SNRPA1: variants seen among roughly 807,000 people sequenced by gnomAD.
SNRPA1 encodes the protein small nuclear ribonucleoprotein polypeptide A'.
In SNRPA1, 5 loss-of-function variants were observed where a neutral mutation model predicts 32.3. That is an observed-to-expected ratio of 0.15 (90% CI 0.08 to 0.33). SNRPA1 has a LOEUF of 0.33. Ranked by LOEUF, SNRPA1 falls within the 10% of genes least tolerant of loss-of-function variation. SNRPA1 has a pLI of 1.00. For synonymous variants in SNRPA1, 111 were observed against 120.1 expected, an observed-to-expected ratio of 0.92 and a Z score of 0.50; for missense variants, 198 against 311.1, an observed-to-expected ratio of 0.64 and a Z score of 2.74.
At position 101,281,569 on chromosome 15, in the gene SNRPA1, T is replaced by C; in HGVS notation, c.*155A>G. The C allele has an allele frequency of 1.7e-6, 1 of 601,604 alleles. No homozygotes were observed. Among genetic ancestry groups the C allele is most frequent in the Admixed American group, 3.1e-5 (1 of 31,796 alleles). 37.3% of individuals were successfully genotyped at this position (601,604 alleles called of 1,614,324 possible). A position where few individuals can be genotyped will look rare whatever the true frequency, so the allele number is the denominator to read the frequency against. The stretch of plus-strand genomic sequence containing the variant: ...TTTGTAGAAAATTGACATTTAGATT[T>C]CAAAACTTATATTACAAAATTATCA... On this transcript the variant is annotated 3_prime_UTR_variant, in exon 9 of 9. Transcript: ENST00000254193.
In SNRPA1 at chr15:101,287,717, C is replaced by G. The variant is rs773441192; in HGVS notation, c.310-15G>C. 41 of 1,612,890 alleles carry G rather than the reference C, an allele frequency of 2.5e-5. No homozygotes were observed. Among genetic ancestry groups the G allele is most frequent in the Middle Eastern group, 3.3e-4 (2 of 6,080 alleles). ...TCCAGATCACCCTGTCAAGCAATAG[C>G]CACAGGTAAGAACGCGAATACCACA... On this transcript the variant is annotated splice_polypyrimidine_tract_variant and intron_variant, in intron 3 of 8. Transcript: ENST00000254193.
intron 3 of SNRPA1, among the ~76,000 whole-genome samples, chr15:101,289,036 G>A (rs567525356): frequency 2.6e-5 from 4 of 152,138 alleles, no homozygotes; most frequent in African/African-American, 4.8e-5. Flanking sequence ...AAAACAGGGA[G>A]AGCAGAGCCA....
At chr15:101,289,538 A>T (rs1567125849) in intron 3 of SNRPA1, among the ~76,000 whole-genome samples, 1 of 152,230 alleles carries the variant, frequency 6.6e-6, no homozygotes, top group Non-Finnish European at 1.5e-5. Flanking sequence ...GCCCCAGAAC[A>T]GAGAGAAGAC....
chr15:101,287,351 C>A (rs1464448917), intron 4 of SNRPA1, among the ~76,000 whole-genome samples: 1 of 151,876 alleles, frequency 6.6e-6, no homozygotes, highest in Non-Finnish European at 1.5e-5. Flanking sequence ...CACCCCACAA[C>A]AGGCCCCGGT....
chr15:101,288,625 ATGGT>A (rs1366087449), intron 3 of SNRPA1, among the ~76,000 whole-genome samples: 1 of 152,206 alleles, frequency 6.6e-6, no homozygotes, highest in Non-Finnish European at 1.5e-5. Flanking sequence ...ACAAAAACCT[ATGGT>A]TACCAGCTAC....
Position 101,281,856 on chromosome 15 carries a change from C to A in SNRPA1, c.710-74G>T, listed in dbSNP as rs192104877. On this transcript the variant is annotated intron_variant, in intron 8 of 8. Transcript: ENST00000254193. ...TTCCCTTAGCATGCAAGTGTTTGTT[C>A]TGTGGCCACTGTTTGTTACACACTG... The A allele has an allele frequency of 5.1e-6, 7 of 1,385,618 alleles. No individual in the cohort carries two copies. The East Asian group carries it at 1.4e-4, about 27-fold the overall frequency. The allele number at this position is 1,385,618 out of a possible 1,614,324, so 85.8% of individuals were successfully genotyped here. A position where few individuals can be genotyped will look rare whatever the true frequency, so the allele number is the denominator to read the frequency against.
At chr15:101,289,498 G>C (rs867732780) in intron 3 of SNRPA1, among the ~76,000 whole-genome samples, 1 of 152,144 alleles carries the variant, frequency 6.6e-6, no homozygotes, top group Non-Finnish European at 1.5e-5. Context: ...GAGAGAAAAC[G>C]GATTGAAGAA....
At chr15:101,294,058 A>C (rs2141315982) in intron 1 of SNRPA1, among the ~76,000 whole-genome samples, 1 of 152,330 alleles carries the variant, frequency 6.6e-6, no homozygotes, top group South Asian at 2.1e-4. Context: ...ACATGGAGAA[A>C]CCATGTCTTT....
intron 3 of SNRPA1, among the ~76,000 whole-genome samples, chr15:101,291,404 T>C (rs1409898478): frequency 1.3e-5 from 2 of 152,216 alleles, no homozygotes; most frequent in Non-Finnish European, 2.9e-5. Flanking sequence ...AATCTAAAAT[T>C]TTCTAGTAGC....
At chr15:101,290,862 C>A (rs2039517585) in intron 3 of SNRPA1, among the ~76,000 whole-genome samples, 1 of 151,722 alleles carries the variant, frequency 6.6e-6, no homozygotes, top group African/African-American at 2.4e-5. Flanking sequence ...CTGTCTCAGC[C>A]TCCCAAGAAG....
intron 3 of SNRPA1, 73 bp downstream of exon 3, chr15:101,291,889 T>C: frequency 6.4e-6 from 6 of 936,902 alleles, no homozygotes; most frequent in Non-Finnish European, 1.0e-5. Context: ...CTAGATTTTG[T>C]AAATTTTCTG....
At chr15:101,293,342 G>C (rs74041974) in intron 1 of SNRPA1, 170 bp from the exon 2 acceptor site, 21,141 of 492,670 alleles carry the variant, frequency 0.043, 2,622 homozygotes, top group African/African-American at 0.31. Flanking sequence ...TAAGATACTA[G>C]AGAGAAAACG....
In SNRPA1 at chr15:101,287,704, T is replaced by C; in HGVS notation, c.310-2A>G. On this transcript the variant is annotated splice_acceptor_variant, in intron 3 of 8. Coordinates refer to ENST00000254193, the MANE Select transcript of SNRPA1 (RefSeq NM_003090.4). LOFTEE classifies it high-confidence loss of function. ...AGATGCCAGAGGGTCCAGATCACCC[T>C]GTCAAGCAATAGCCACAGGTAAGAA... 1 of 1,613,678 alleles carries C rather than the reference T, an allele frequency of 6.2e-7. No individual in the cohort carries two copies. The highest frequency in any genetic ancestry group is 8.5e-7 in the Non-Finnish European group (1 of 1,179,614).
At chr15:101,290,785 A>G (rs1210827598) in intron 3 of SNRPA1, among the ~76,000 whole-genome samples, 1 of 131,262 alleles carries the variant, frequency 7.6e-6, no homozygotes, top group Non-Finnish European at 1.6e-5. Context: ...TTCTTTGCCC[A>G]GGCTGGAGTG....
At chr15:101,292,363 G>A (rs1289530715) in intron 2 of SNRPA1, among the ~76,000 whole-genome samples, 1 of 152,098 alleles carries the variant, frequency 6.6e-6, no homozygotes, top group African/African-American at 2.4e-5. Context: ...AAATAATTCT[G>A]GATTCCCAGC....
rs745775683 is a variant in SNRPA1, at chr15:101,285,715, C to G, written c.615+11G>C. The G allele has an allele frequency of 6.2e-7, 1 of 1,600,296 alleles. No individual in the cohort carries two copies. Among genetic ancestry groups the G allele is most frequent in the East Asian group, 2.2e-5 (1 of 44,816 alleles). On this transcript the variant is annotated intron_variant, in intron 7 of 8. Coordinates refer to ENST00000254193, the MANE Select transcript of SNRPA1 (RefSeq NM_003090.4). The stretch of plus-strand genomic sequence containing the variant: ...GCTCATTCCAGTCCAAGAATCCTAA[C>G]ACATGATTACCTTGATTGCTTCTAC...
chr15:101,290,226 G>A (rs993574266), intron 3 of SNRPA1, among the ~76,000 whole-genome samples: 3 of 152,050 alleles, frequency 2.0e-5, no homozygotes, highest in Non-Finnish European at 4.4e-5. Flanking sequence ...AGAACTTCAG[G>A]GATAGTCAAA....
chr15:101,293,616 T>C (rs2039552953), intron 1 of SNRPA1, among the ~76,000 whole-genome samples: 1 of 152,158 alleles, frequency 6.6e-6, no homozygotes. Flanking sequence ...ACAGGCCAGA[T>C]TCTTAGAACC....
chr15:101,294,278 G>C (rs2039561783), intron 1 of SNRPA1, among the ~76,000 whole-genome samples: 1 of 152,194 alleles, frequency 6.6e-6, no homozygotes, highest in Non-Finnish European at 1.5e-5. Flanking sequence ...CCAAAGGTCG[G>C]CAAGAAATCT....
Sources: gnomAD v4.1 joint callset for allele counts (sites outside exome capture counted in the v4.1 genomes callset) on GRCh38, gnomAD v4.1.1 for gene constraint, MANE v1.5 for transcripts, NCBI Gene and HGNC (gene_info 2026-07-23, HGNC 2026-07-21) for gene names.